Variants in WDR91 observed in about 807,000 individuals in gnomAD.
WDR91 encodes the protein WD repeat-containing protein 91.
In WDR91, 52 loss-of-function variants were observed where a neutral mutation model predicts 88.4. The observed-to-expected ratio is 0.59, with a 90% CI of 0.47 to 0.74. The LOEUF is 0.74. Ranked by LOEUF, WDR91 falls within the 30% of genes least tolerant of loss-of-function variation. The probability of loss-of-function intolerance (pLI) is 0.00; values close to 1 mark genes in which losing one functional copy is unlikely to be tolerated. For synonymous variants in WDR91, 362 were observed against 389.5 expected (o/e 0.93, Z 0.83); for missense variants, 824 against 954.5 (o/e 0.86, Z 1.80).
chr7:135,198,158 GA>G lies in WDR91; in HGVS notation c.892-8del. 1 of 1,608,760 alleles carries G rather than the reference GA, an allele frequency of 6.2e-7. No individual in the cohort carries two copies. The highest frequency in any genetic ancestry group is 8.5e-7 in the Non-Finnish European group (1 of 1,177,250). On this transcript the variant is annotated splice_region_variant and splice_polypyrimidine_tract_variant and intron_variant, in intron 6 of 14. Transcript: ENST00000354475. ...GGTCCTTTCCCTTGGTGCCCTAGAGGAAAAGAAGCTGGCTGTGAAGTCTCTT... is the reference window on the plus strand; with the variant it reads ...GGTCCTTTCCCTTGGTGCCCTAGAGGAAAGAAGCTGGCTGTGAAGTCTCTT...
At chr7:135,203,466 G>C (rs141591623) in intron 6 of WDR91, among the ~76,000 whole-genome samples, 1,573 of 152,320 alleles carry the variant, frequency 0.01, 18 homozygotes, top group Non-Finnish European at 0.016. Flanking sequence ...ATGTCTGCTA[G>C]TTAAACTAGT....
In WDR91 at chr7:135,209,559, C is replaced by A. The variant is rs759230152; in HGVS notation, c.303+17G>T. The stretch of plus-strand genomic sequence containing the variant: ...TCCTTCCACCAAGGGAAGCAGAACC[C>A]CTGAATCAACAGGCACCTGGATTGT... On this transcript the variant is annotated intron_variant, in intron 2 of 14. Transcript: ENST00000354475. 6 of 1,529,760 alleles carry A rather than the reference C, an allele frequency of 3.9e-6. No individual in the cohort carries two copies. In the East Asian group the frequency reaches 1.4e-4, roughly 37 times the overall value. 94.8% of individuals were successfully genotyped at this position (1,529,760 alleles called of 1,614,324 possible).
At chr7:135,193,525 G>T in intron 10 of WDR91, 53 bp downstream of exon 10, 2 of 1,612,414 alleles carry the variant, frequency 1.2e-6, no homozygotes, top group South Asian at 2.2e-5. Context: ...CAGCCCCGCG[G>T]ACCACACTTG....
At chr7:135,187,283 C>T (rs1285667006) in intron 13 of WDR91, 114 bp from the exon 14 acceptor site, 9 of 1,062,378 alleles carry the variant, frequency 8.5e-6, no homozygotes, top group Non-Finnish European at 4.1e-6. Flanking sequence ...CCCGCCTCCC[C>T]CAGCCACAGT....
At chr7:135,191,784 A>G (rs1318064238) in intron 11 of WDR91, among the ~76,000 whole-genome samples, 1 of 152,168 alleles carries the variant, frequency 6.6e-6, no homozygotes, top group Non-Finnish European at 1.5e-5. Context: ...TCTTCTCATT[A>G]TACTATACAC....
rs755729837 is a variant in WDR91 at position 135,204,375 on chromosome 7, G to C, written c.784C>G (p.Leu262Val). 2 of 1,614,218 alleles carry C rather than the reference G, an allele frequency of 1.2e-6. No individual in the cohort carries two copies. Among genetic ancestry groups the C allele is most frequent in the South Asian group, 1.1e-5 (1 of 91,088 alleles). The stretch of plus-strand genomic sequence containing the variant: ...TTACTCTGAGGCAGCAGCGAGGACA[G>C]GAAGCCCACACGAGGTGACTGGGAG... Reference protein sequence around the residue: ...SLSQSPRVGFLSSLLPQSKKS... With the variant: ...SLSQSPRVGFVSSLLPQSKKS... Residue 262 changes from leucine (L) to valine (V), a missense_variant, in exon 6 of 15, where the codon CTG becomes GTG. Leu to Val is a conservative substitution (Grantham distance 32, BLOSUM62 1). Coordinates refer to ENST00000354475, the MANE Select transcript of WDR91 (RefSeq NM_014149.4).
intron 4 of WDR91, among the ~76,000 whole-genome samples, 153 bp from the exon 5 acceptor site, chr7:135,206,211 G>A (rs1394083793): frequency 2.0e-5 from 3 of 152,142 alleles, no homozygotes; most frequent in East Asian, 1.9e-4. Context: ...ACTGCAGACT[G>A]GGAAAAGTGA....
intron 11 of WDR91, among the ~76,000 whole-genome samples, chr7:135,192,726 T>C (rs1463276975): frequency 6.6e-6 from 1 of 152,156 alleles, no homozygotes; most frequent in Non-Finnish European, 1.5e-5. Context: ...TAATAAGAAG[T>C]AGCACTGCCT....
chr7:135,188,342 G>C (rs941081248), intron 13 of WDR91, 91 bp downstream of exon 13: 1 of 994,688 alleles, frequency 1.0e-6, no homozygotes, highest in Admixed American at 1.8e-5. Context: ...GAGGCCCCAG[G>C]TTGCAGAGCT....
In WDR91 at chr7:135,184,896, CT is replaced by C. The variant is rs11461232; in HGVS notation, c.*1254del. ...ATCAAAAATGCTCCATAACCCAAAA[CT>C]TTTTTTTTTTTTGAGTTGGGTTCTC... is the stretch of plus-strand genomic sequence containing the variant. On this transcript the variant is annotated 3_prime_UTR_variant, in exon 15 of 15. Transcript: ENST00000354475. The C allele has an allele frequency of 0.45, 67,015 of 148,352 alleles. 15,056 individuals are homozygous for C. Among genetic ancestry groups the C allele is most frequent in the East Asian group, 0.76 (3,852 of 5,068 alleles). The allele number at this position is 148,352 out of a possible 1,614,324, so 9.2% of individuals were successfully genotyped here. A position where few individuals can be genotyped will look rare whatever the true frequency, so the allele number is the denominator to read the frequency against.
intron 5 of WDR91, among the ~76,000 whole-genome samples, chr7:135,205,521 G>T (rs11762078): frequency 0.024 from 3,620 of 152,304 alleles, 67 homozygotes; most frequent in Middle Eastern, 0.11. Flanking sequence ...ACTTTGGGAG[G>T]CCAAGGCAGG....
At chr7:135,195,147 T>C in intron 8 of WDR91, 63 bp from the exon 9 acceptor site, 6 of 1,538,428 alleles carry the variant, frequency 3.9e-6, no homozygotes, top group Non-Finnish European at 4.4e-6. Flanking sequence ...CTTCTGCTAA[T>C]GCCAAGATGA....
rs1831309451 is a variant in WDR91, at chr7:135,195,005, G to C, written c.1324C>G (p.Gln442Glu). 6.2e-7 allele frequency: 1 copy of C among 1,614,142 alleles called. No homozygotes were observed. Among genetic ancestry groups the C allele is most frequent in the Admixed American group, 1.7e-5 (1 of 60,032 alleles). The change falls in exon 9 of 15, where the codon CAG (glutamine) becomes GAG (glutamate). Residue 442 changes from glutamine (Q) to glutamate (E), a missense_variant. Gln to Glu is a conservative substitution (Grantham distance 29). Coordinates refer to ENST00000354475, the MANE Select transcript of WDR91 (RefSeq NM_014149.4). ...IKVWSFNPIM[Q>E]TKASSISKSP... ...TTGGAAATGGAGGATGCTTTGGTCT[G>C]CATGATGGGGTTGAAGGACCACACT...
rs1429821165 is a variant in WDR91, at chr7:135,186,293, A to G, written c.2102T>C (p.Leu701Pro). Reference protein sequence around the residue: ...IYKLGGDEKVLESCLSLGGHR... With the variant: ...IYKLGGDEKVPESCLSLGGHR... ...GCCACCTAGGCTCAAGCAGCTCTCC[A>G]GAACCTTCTCATCGCCACCCAGCTG... Residue 701 changes from leucine (L) to proline (P), a missense_variant, in exon 15 of 15, where the codon CTG (leucine) becomes CCG (proline). Physicochemically the swap from Leu to Pro is moderately conservative, Grantham distance 98. Transcript: ENST00000354475. 1 of 1,612,960 alleles carries G rather than the reference A, an allele frequency of 6.2e-7. No individual in the cohort carries two copies. The highest frequency in any genetic ancestry group is 8.5e-7 in the Non-Finnish European group (1 of 1,179,550).
Position 135,208,934 on chromosome 7 carries a change from G to A in WDR91, c.368C>T (p.Ala123Val), listed in dbSNP as rs775327241. ...AKQATELQNQ[A>V]EWKDWFVLPF... ...CAGGACAAACCAATCCTTCCACTCA[G>A]CCTGGTTCTGGAGTTCCGTGGCCTG... Residue 123 changes from alanine (A) to valine (V), a missense_variant, in exon 3 of 15, where the codon GCT becomes GTT. Coordinates refer to ENST00000354475, the MANE Select transcript of WDR91 (RefSeq NM_014149.4). The A allele has an allele frequency of 1.2e-6, 2 of 1,614,184 alleles. No homozygotes were observed. Among genetic ancestry groups the A allele is most frequent in the Admixed American group, 3.3e-5 (2 of 60,016 alleles).
chr7:135,209,905 G>A, intron 1 of WDR91, 150 bp from the exon 2 acceptor site: 2 of 574,160 alleles, frequency 3.5e-6, no homozygotes, highest in South Asian at 6.8e-5. Context: ...ACATACTAAT[G>A]CAACGGTTTT....
chr7:135,204,194 C>T, intron 6 of WDR91, 74 bp downstream of exon 6: 1 of 1,560,974 alleles, frequency 6.4e-7, no homozygotes, highest in Admixed American at 1.8e-5. Flanking sequence ...CTACACTTGA[C>T]CAGGAGGTCT....
chr7:135,205,646 G>T (rs1335110157), intron 5 of WDR91, among the ~76,000 whole-genome samples: 1 of 152,250 alleles, frequency 6.6e-6, no homozygotes, highest in Non-Finnish European at 1.5e-5. Flanking sequence ...TGTAATCCCA[G>T]CTACTTGGGA....
intron 5 of WDR91, 85 bp downstream of exon 5, chr7:135,205,843 C>T: frequency 6.3e-7 from 1 of 1,589,120 alleles, no homozygotes; most frequent in Non-Finnish European, 8.6e-7. Flanking sequence ...GCACAGAGGA[C>T]TGCAGGCAAG....
Sources: gnomAD v4.1 joint callset for allele counts (sites outside exome capture counted in the v4.1 genomes callset) on GRCh38, gnomAD v4.1.1 for gene constraint, MANE v1.5 for transcripts, NCBI Gene and HGNC (gene_info 2026-07-23, HGNC 2026-07-21) for gene names.